ANKFN1: variants seen among roughly 807,000 people sequenced by gnomAD.
ANKFN1 encodes ankyrin repeat and fibronectin type-III domain-containing protein 1.
Under a neutral mutation model 108.7 loss-of-function variants are expected in ANKFN1, and 74 were observed. The observed-to-expected ratio is 0.68, with a 90% CI of 0.56 to 0.83. ANKFN1 has a LOEUF of 0.83. Ranked by LOEUF, ANKFN1 falls within the 40% of genes least tolerant of loss-of-function variation. The pLI is 0.00. For missense variants in ANKFN1, 1,505 were observed against 1,382.3 expected, an observed-to-expected ratio of 1.09 and a Z score of -1.41; for synonymous variants, 547 against 516.2, an observed-to-expected ratio of 1.06 and a Z score of -0.81.
chr17:56,498,890 T>C lies in ANKFN1; in HGVS notation c.2436T>C (p.Asp812=). ...ACCATTTTATTCCAAAGCAAATAGA[T>C]GAAGTCTGGCGTGAAATGAGATGGA... The part of the protein sequence containing the change: ...QQVLDFIQQI[D]EVWREMRWIM... The change falls in exon 20 of 21, where the codon GAT becomes GAC. Residue 812 remains aspartate, a synonymous_variant. Transcript: ENST00000682825. The C allele has an allele frequency of 6.5e-7, 1 of 1,535,428 alleles. No individual in the cohort carries two copies. The highest frequency in any genetic ancestry group is 8.7e-7 in the Non-Finnish European group (1 of 1,146,362).
At chr17:56,294,031 G>A (rs936899041) in intron 3 of ANKFN1, among the ~76,000 whole-genome samples, 2 of 152,180 alleles carry the variant, frequency 1.3e-5, no homozygotes, top group African/African-American at 2.4e-5. Flanking sequence ...AGTCATCTTT[G>A]TTAAATTTCG....
intron 18 of ANKFN1, among the ~76,000 whole-genome samples, chr17:56,488,003 A>G (rs2050909110): frequency 6.6e-6 from 1 of 152,218 alleles, no homozygotes; most frequent in African/African-American, 2.4e-5. Flanking sequence ...AGTTTAAAAG[A>G]TCAAAATCAT....
At chr17:56,188,581 G>GTGTGTGTGTGTGTGTATATATATATATA in intron 1 of ANKFN1, among the ~76,000 whole-genome samples, 1 of 49,652 alleles carries the variant, frequency 2.0e-5, no homozygotes, top group African/African-American at 1.0e-4. Flanking sequence ...GTGTGTGTGT[G>GTGTGTGTGTGTGTGTATATATATATATA]TATATATATA....
At chr17:56,442,979 A>C in intron 10 of ANKFN1, 46 bp downstream of exon 10, 1 of 1,582,994 alleles carries the variant, frequency 6.3e-7, no homozygotes, top group Non-Finnish European at 8.7e-7. Context: ...ACAGACTCCA[A>C]CTGCAACTCC....
intron 8 of ANKFN1, among the ~76,000 whole-genome samples, chr17:56,378,168 C>G (rs1190174793): frequency 6.6e-6 from 1 of 152,178 alleles, no homozygotes; most frequent in Non-Finnish European, 1.5e-5. Context: ...GTGACCAGGC[C>G]CATATCTCTG....
At chr17:56,116,859 C>G in intron 4 of ANKFN1, among the ~76,000 whole-genome samples, 1 of 152,086 alleles carries the variant, frequency 6.6e-6, no homozygotes, top group East Asian at 1.9e-4. Context: ...GGTTACCTTT[C>G]TAGGGGATGG....
intron 1 of ANKFN1, among the ~76,000 whole-genome samples, chr17:56,194,952 A>G (rs760007736): frequency 2.0e-5 from 3 of 152,214 alleles, no homozygotes; most frequent in Admixed American, 1.3e-4. Flanking sequence ...CCTCCTTCCT[A>G]TCATTCATCT....
chr17:56,260,036 G>A (rs1265433527), intron 3 of ANKFN1, among the ~76,000 whole-genome samples: 2 of 151,908 alleles, frequency 1.3e-5, no homozygotes, highest in Non-Finnish European at 2.9e-5. Context: ...TGCCATCCAA[G>A]CAGAGAGCTG....
intron 14 of ANKFN1, chr17:56,464,008 C>A (rs2049996578): frequency 6.6e-6 from 1 of 152,100 alleles, no homozygotes; most frequent in Non-Finnish European, 1.5e-5. Flanking sequence ...CATCAGGAGC[C>A]CTAGATCACC....
chr17:56,284,983 A>G (rs2044177711), intron 3 of ANKFN1, among the ~76,000 whole-genome samples: 2 of 152,250 alleles, frequency 1.3e-5, no homozygotes, highest in African/African-American at 4.8e-5. Context: ...GGAATGAGCC[A>G]TGTAAAATAT....
At chr17:56,179,460 C>T (rs1000404101) in intron 1 of ANKFN1, among the ~76,000 whole-genome samples, 12 of 152,184 alleles carry the variant, frequency 7.9e-5, no homozygotes, top group Middle Eastern at 3.4e-3. Context: ...ACTTGAAGAA[C>T]GGAACGCATT....
upstream of ANKFN1, among the ~76,000 whole-genome samples, chr17:56,148,599 G>A (rs1908407888): frequency 6.6e-6 from 1 of 152,120 alleles, no homozygotes; most frequent in Non-Finnish European, 1.5e-5. Flanking sequence ...ATCTGTGTTG[G>A]AGGAGAACAT....
At chr17:56,362,930 G>A (rs2144726675) in intron 6 of ANKFN1, among the ~76,000 whole-genome samples, 1 of 152,272 alleles carries the variant, frequency 6.6e-6, no homozygotes, top group Admixed American at 6.5e-5. Context: ...AAAATAGGTG[G>A]CCAGGTGCAG....
At position 56,456,866 on chromosome 17, in the gene ANKFN1, A is replaced by C. The variant is rs760746348; in HGVS notation, c.1213A>C (p.Thr405Pro). The C allele has an allele frequency of 1.9e-6, 3 of 1,613,934 alleles. No homozygotes were observed. The highest frequency in any genetic ancestry group is 1.1e-5 in the South Asian group (1 of 91,072). Residue 405 changes from threonine to proline, a missense_variant, in exon 12 of 21, where the codon ACA (threonine) becomes CCA (proline). Physicochemically the swap from Thr to Pro is conservative, Grantham distance 38. Transcript: ENST00000682825. ...TTTTTTAAAATACATTCCAGAAAGCACAAAATTACAAACCACAGGCCGCAA... is the reference window on the plus strand; with the variant it reads ...TTTTTTAAAATACATTCCAGAAAGCCCAAAATTACAAACCACAGGCCGCAA... ...LHQHYSCRES[T>P]KLQTTGRKQS...
At chr17:56,240,013 T>C (rs1567857877) in intron 3 of ANKFN1, among the ~76,000 whole-genome samples, 1 of 152,176 alleles carries the variant, frequency 6.6e-6, no homozygotes, top group African/African-American at 2.4e-5. Flanking sequence ...ATGAAATATT[T>C]CAAACATAGA....
intron 4 of ANKFN1, among the ~76,000 whole-genome samples, chr17:56,079,987 G>A (rs887175592): frequency 3.3e-5 from 5 of 152,190 alleles, no homozygotes; most frequent in African/African-American, 9.6e-5. Flanking sequence ...AGTTGGGCAA[G>A]TCACAAAAGC....
At chr17:56,425,308 T>A (rs920739630) in intron 8 of ANKFN1, among the ~76,000 whole-genome samples, 1 of 152,088 alleles carries the variant, frequency 6.6e-6, no homozygotes, top group Non-Finnish European at 1.5e-5. Flanking sequence ...CTCACAAAGG[T>A]GGAGATAATG....
At position 56,372,752 on chromosome 17, in the gene ANKFN1, G is replaced by A; in HGVS notation, c.708G>A (p.Leu236=). 2 of 1,613,964 alleles carry A rather than the reference G, an allele frequency of 1.2e-6. No homozygotes were observed. The highest frequency in any genetic ancestry group is 1.7e-5 in the Admixed American group (1 of 59,998). ...SAQVENEGFT[L]DNTEKEKQLK... ...AGGTGGAGAATGAAGGATTCACTCT[G>A]GACAACACAGAGAAAGAGAAGCAGC... Residue 236 remains leucine (L), a synonymous_variant, in exon 7 of 21, where the codon CTG becomes CTA. Coordinates refer to ENST00000682825, the MANE Select transcript of ANKFN1 (RefSeq NM_001370326.1).
At chr17:56,105,702 T>A (rs1157966139) in intron 4 of ANKFN1, among the ~76,000 whole-genome samples, 1 of 120,232 alleles carries the variant, frequency 8.3e-6, no homozygotes, top group Non-Finnish European at 1.6e-5. Context: ...GTTTTGGGGG[T>A]TTTTTTGTCT....
Sources: gnomAD v4.1 joint callset for allele counts (sites outside exome capture counted in the v4.1 genomes callset) on GRCh38, gnomAD v4.1.1 for gene constraint, MANE v1.5 for transcripts, NCBI Gene and HGNC (gene_info 2026-07-23, HGNC 2026-07-21) for gene names.